CACUL1: variants seen among roughly 807,000 people sequenced by gnomAD.
CACUL1 encodes CDK2 associated cullin domain 1, also known as CDK2-associated and cullin domain-containing protein 1.
Under a neutral mutation model 45.2 loss-of-function variants are expected in CACUL1, and 13 were observed. The observed-to-expected ratio is 0.29, with a 90% confidence interval of 0.19 to 0.46. CACUL1 has a LOEUF of 0.46. Ranked by LOEUF, CACUL1 falls within the 20% of genes least tolerant of loss-of-function variation. The pLI is 1.00. For missense variants in CACUL1, 421 were observed against 471.4 expected (o/e 0.89, Z 0.99); for synonymous variants, 197 against 174.2 (o/e 1.13, Z -1.03).
intron 1 of CACUL1, among the ~76,000 whole-genome samples, chr10:118,746,982 G>A (rs906242701): frequency 3.9e-5 from 6 of 152,136 alleles, no homozygotes; most frequent in East Asian, 1.9e-4. Context: ...GTGGGCCGGC[G>A]AGCATTACCA....
At chr10:118,747,943 G>C (rs1277736535) in intron 1 of CACUL1, among the ~76,000 whole-genome samples, 1 of 152,130 alleles carries the variant, frequency 6.6e-6, no homozygotes, top group East Asian at 1.9e-4. Context: ...AAATTAGCTA[G>C]GTGTGGTGGT....
intron 1 of CACUL1, among the ~76,000 whole-genome samples, chr10:118,751,658 G>A (rs1478594805): frequency 2.6e-5 from 4 of 152,142 alleles, no homozygotes; most frequent in Admixed American, 6.5e-5. Flanking sequence ...AAATCTTTAA[G>A]ATTGATTCTG....
At position 118,677,752 on chromosome 10, in the gene CACUL1, C is replaced by G. The variant is rs776471972; in HGVS notation, c.*8376G>C. 1.3e-5 allele frequency: 2 copies of G among 152,178 alleles called. No homozygotes were observed. Among genetic ancestry groups the G allele is most frequent in the African/African-American group, 4.8e-5 (2 of 41,442 alleles). 9.4% of individuals were successfully genotyped at this position (152,178 alleles called of 1,614,324 possible). A position where few individuals can be genotyped will look rare whatever the true frequency, so the allele number is the denominator to read the frequency against. ...ATACACTTCATTTATTCACTGTATG[C>G]TAGATGGGCATTTGGCTCCCTCCTT... On this transcript the variant is annotated 3_prime_UTR_variant, in exon 9 of 9. Coordinates refer to ENST00000369151, the MANE Select transcript of CACUL1 (RefSeq NM_153810.5).
rs759090569 is a variant in CACUL1 at position 118,730,515 on chromosome 10, T to G, written c.368-105A>C. On this transcript the variant is annotated intron_variant, in intron 1 of 8. Coordinates refer to ENST00000369151, the MANE Select transcript of CACUL1 (RefSeq NM_153810.5). The stretch of plus-strand genomic sequence containing the variant: ...AATTCCTCTCACTTACTCTTCTGAT[T>G]TTACACTGACACTCTATCACCTAAC... 4 of 1,089,384 alleles carry G rather than the reference T, an allele frequency of 3.7e-6. No homozygotes were observed. The Admixed American group carries it at 6.6e-5, about 18-fold the overall frequency. 67.5% of individuals were successfully genotyped at this position (1,089,384 alleles called of 1,614,324 possible). A position where few individuals can be genotyped will look rare whatever the true frequency, so the allele number is the denominator to read the frequency against.
At chr10:118,692,193 T>G (rs1030422883) in intron 6 of CACUL1, among the ~76,000 whole-genome samples, 1 of 152,114 alleles carries the variant, frequency 6.6e-6, no homozygotes, top group African/African-American at 2.4e-5. Flanking sequence ...ATAAGTGGGC[T>G]GGAGGTAACT....
intron 1 of CACUL1, among the ~76,000 whole-genome samples, chr10:118,749,008 A>G (rs1845871021): frequency 7.2e-5 from 11 of 152,200 alleles, no homozygotes. Context: ...ACGTGGAGAA[A>G]TGAGTCCAGA....
At chr10:118,742,182 T>C (rs748513104) in intron 1 of CACUL1, among the ~76,000 whole-genome samples, 1 of 152,248 alleles carries the variant, frequency 6.6e-6, no homozygotes, top group Non-Finnish European at 1.5e-5. Flanking sequence ...ATTCAGATGA[T>C]GAATCAGCAT....
intron 1 of CACUL1, among the ~76,000 whole-genome samples, chr10:118,743,481 G>A (rs1324359436): frequency 1.3e-5 from 2 of 152,090 alleles, no homozygotes; most frequent in African/African-American, 4.8e-5. Context: ...ATTTATTAAA[G>A]AAACAATAAG....
At chr10:118,704,450 CAG>C (rs1379000418) in intron 4 of CACUL1, among the ~76,000 whole-genome samples, 1 of 152,286 alleles carries the variant, frequency 6.6e-6, no homozygotes, top group Non-Finnish European at 1.5e-5. Flanking sequence ...CCTAGGCAGA[CAG>C]GGGTGGTTCT....
At chr10:118,686,890 A>G in intron 7 of CACUL1, 1 of 479,074 alleles carries the variant, frequency 2.1e-6, no homozygotes. Context: ...TCCACTTTAG[A>G]GTTAAGAAAA....
At chr10:118,718,054 G>A (rs931287856) in intron 3 of CACUL1, among the ~76,000 whole-genome samples, 1 of 152,168 alleles carries the variant, frequency 6.6e-6, no homozygotes, top group Non-Finnish European at 1.5e-5. Context: ...TTGCTGAAAG[G>A]AAGGGGTAAG....
chr10:118,754,718 CGCCTCGTA>C lies in CACUL1; in HGVS notation c.37_44del (p.Tyr13AspfsTer70). 1 of 1,604,482 alleles carries C rather than the reference CGCCTCGTA, an allele frequency of 6.2e-7. No individual in the cohort carries two copies. Among genetic ancestry groups the C allele is most frequent in the Non-Finnish European group, 8.5e-7 (1 of 1,176,456 alleles). ...TGTTGTGGTTCTGGTCGTCCATCAT[CGCCTCGTA>C]GCTGCCCCCCTCCTCCTCTTCCATG... On this transcript the variant is annotated frameshift_variant, in exon 1 of 9. Coordinates refer to ENST00000369151, the MANE Select transcript of CACUL1 (RefSeq NM_153810.5). LOFTEE classifies it high-confidence loss of function.
chr10:118,691,267 T>C lies in CACUL1; in HGVS notation c.1023A>G (p.Thr341=), dbSNP rs1164671145. 6.2e-7 allele frequency: 1 copy of C among 1,610,106 alleles called. No individual in the cohort carries two copies. The highest frequency in any genetic ancestry group is 2.2e-5 in the East Asian group (1 of 44,820). ...TAAAGGAAAAAAAAACAACTTGCCT[T>C]GTAAAACCATTCTGTATAAGTTCTC... is the stretch of plus-strand genomic sequence containing the variant. ...FQRELIQNGF[T]RGDQSRKRAG... The change falls in exon 7 of 9, where the codon ACA becomes ACG. Residue 341 remains threonine (T), a splice_region_variant and synonymous_variant. Coordinates refer to ENST00000369151, the MANE Select transcript of CACUL1 (RefSeq NM_153810.5).
intron 4 of CACUL1, 80 bp downstream of exon 4, chr10:118,707,412 T>G (rs986715776): frequency 3.2e-6 from 2 of 624,978 alleles, no homozygotes; most frequent in Admixed American, 3.0e-5. Context: ...AAAAACAGAA[T>G]ATGCTTAACT....
intron 7 of CACUL1, among the ~76,000 whole-genome samples, chr10:118,690,124 A>AC (rs780636800): frequency 5.8e-4 from 88 of 152,006 alleles, no homozygotes; most frequent in Non-Finnish European, 1.1e-3. Flanking sequence ...ACAAGGTGAA[A>AC]CCCCGTCTCT....
chr10:118,749,572 A>G (rs1845876144), intron 1 of CACUL1, among the ~76,000 whole-genome samples: 1 of 152,262 alleles, frequency 6.6e-6, no homozygotes, highest in African/African-American at 2.4e-5. Flanking sequence ...GGAATAAAGA[A>G]GAGGATGAGT....
chr10:118,730,109 C>G (rs1589615229), intron 2 of CACUL1, among the ~76,000 whole-genome samples, 175 bp downstream of exon 2: 1 of 152,192 alleles, frequency 6.6e-6, no homozygotes, highest in Admixed American at 6.6e-5. Context: ...CTGAAAACCA[C>G]TTTTGAATCA....
At chr10:118,699,707 C>T (rs1182198554) in intron 5 of CACUL1, among the ~76,000 whole-genome samples, 2 of 151,846 alleles carry the variant, frequency 1.3e-5, no homozygotes, top group Non-Finnish European at 1.5e-5. Context: ...TGCAGTGACG[C>T]GATCTCGGCT....
In CACUL1 at chr10:118,683,374, G is replaced by A. The variant is rs1160645670; in HGVS notation, c.*2754C>T. The A allele has an allele frequency of 1.7e-5, 2 of 118,248 alleles. No individual in the cohort carries two copies. Among genetic ancestry groups the A allele is most frequent in the African/African-American group, 6.4e-5 (2 of 31,268 alleles). 7.3% of individuals were successfully genotyped at this position (118,248 alleles called of 1,614,324 possible). ...AATTGGGGTAGAAAAACCATATACT[G>A]TACTGGCAAGAATACAAAAAAAAAA... On this transcript the variant is annotated 3_prime_UTR_variant, in exon 9 of 9. Transcript: ENST00000369151.
Sources: gnomAD v4.1 joint callset for allele counts (sites outside exome capture counted in the v4.1 genomes callset) on GRCh38, gnomAD v4.1.1 for gene constraint, MANE v1.5 for transcripts, NCBI Gene and HGNC (gene_info 2026-07-23, HGNC 2026-07-21) for gene names.